Variants in WDR27 observed in about 807,000 individuals in gnomAD.
WDR27 encodes WD repeat-containing protein 27.
Under a neutral mutation model 114.4 loss-of-function variants are expected in WDR27, and 100 were observed. The observed-to-expected ratio is 0.87, with a 90% CI of 0.74 to 1.03. WDR27 has a LOEUF of 1.03. WDR27 is among the 50% of genes least tolerant of loss of function. The pLI is 0.00. For synonymous variants in WDR27, 449 were observed against 423.1 expected (o/e 1.06, Z -0.75); for missense variants, 1,129 against 1,092.9 (o/e 1.03, Z -0.47).
At chr6:169,444,842 C>A in the WDR27 span, among the ~76,000 whole-genome samples, 2 of 152,144 alleles carry the variant, frequency 1.3e-5, no homozygotes, top group Non-Finnish European at 2.9e-5. Flanking sequence ...GTTCTTATGT[C>A]AAGTAGCCCA....
rs1220748162 is a variant in WDR27, at chr6:169,580,933, T to TTATATATATATATA, written c.2523+1889_2523+1902dup. On this transcript the variant is annotated intron_variant, in intron 24 of 25. Coordinates refer to ENST00000448612, the MANE Select transcript of WDR27 (RefSeq NM_182552.5). Reference sequence around the variant, plus strand: ...TTAAAAATAAGGAACTTAGTGAATTTTATATATATATATATATATACATAT... The same window carrying TTATATATATATATA: ...TTAAAAATAAGGAACTTAGTGAATTTTATATATATATATATATATATATATATATATATACATAT... Among the ~76,000 whole-genome samples, 426 of 53,422 alleles carry TTATATATATATATA rather than the reference T, an allele frequency of 8.0e-3. 1 individual carries two copies. The highest frequency in any genetic ancestry group is 0.024 in the East Asian group (23 of 948). 35.0% of individuals were successfully genotyped at this position (53,422 alleles called of 152,430 possible).
rs376864984 is a variant in WDR27, at chr6:169,522,842, T to C, written c.2645+49577A>G. Among the ~76,000 whole-genome samples the C allele has an allele frequency of 1.3e-4, 20 of 151,978 alleles. No homozygotes were observed. The South Asian group carries it at 2.5e-3, about 19-fold the overall frequency. ...AGAGGGAAGTTTATAGGAATAAACTTTCTTCATAATTCAAAAAAGTAGAAA... is the reference window on the plus strand; with the variant it reads ...AGAGGGAAGTTTATAGGAATAAACTCTCTTCATAATTCAAAAAAGTAGAAA... On this transcript the variant is annotated intron_variant, in intron 25 of 25. Transcript: ENST00000448612.
At chr6:169,538,230 T>A (rs940359753) in intron 25 of WDR27, among the ~76,000 whole-genome samples, 4 of 152,198 alleles carry the variant, frequency 2.6e-5, no homozygotes, top group Non-Finnish European at 4.4e-5. Context: ...ACCTTGTGTG[T>A]AGTTTAGTCA....
At chr6:169,626,176 C>T (rs746547484) in intron 21 of WDR27, among the ~76,000 whole-genome samples, 1 of 152,268 alleles carries the variant, frequency 6.6e-6, no homozygotes, top group Admixed American at 6.5e-5. Flanking sequence ...GAGACAAGCC[C>T]GCGGGGACAG....
chr6:169,642,489 T>G (rs1819474138), intron 17 of WDR27, among the ~76,000 whole-genome samples: 1 of 152,124 alleles, frequency 6.6e-6, no homozygotes, highest in Admixed American at 6.6e-5. Context: ...GGCTCCCAGG[T>G]GCACTGTGAA....
At position 169,659,257 on chromosome 6, in the gene WDR27, A is replaced by C. The variant is rs1459001498; in HGVS notation, c.1198-50T>G. On this transcript the variant is annotated intron_variant, in intron 11 of 25. Transcript: ENST00000448612. This position sits in a 1 kb window ranked among gnomAD's most constrained non-coding sequence, Gnocchi z 4.3. ...GTTAGCGACACCACCCAGTAAAAGC[A>C]GACGAAACGTGCATCCGCACACGTA... is the stretch of plus-strand genomic sequence containing the variant. 1 of 1,560,532 alleles carries C rather than the reference A, an allele frequency of 6.4e-7. No individual in the cohort carries two copies. The highest frequency in any genetic ancestry group is 1.4e-5 in the African/African-American group (1 of 73,216).
intron 18 of WDR27, among the ~76,000 whole-genome samples, chr6:169,636,707 G>A (rs578168649): frequency 2.6e-5 from 4 of 152,192 alleles, no homozygotes; most frequent in African/African-American, 7.2e-5. Context: ...TTACTGTAAT[G>A]AATGCTTTGA....
chr6:169,561,654 C>A (rs549509707), intron 25 of WDR27, among the ~76,000 whole-genome samples: 1 of 150,292 alleles, frequency 6.7e-6, no homozygotes, highest in Non-Finnish European at 1.5e-5. Context: ...AATAAAAAAA[C>A]AAAGATCAGA....
intron 2 of WDR27, among the ~76,000 whole-genome samples, chr6:169,673,696 A>T (rs1779352537): frequency 6.6e-6 from 1 of 152,128 alleles, no homozygotes; most frequent in Non-Finnish European, 1.5e-5. Flanking sequence ...GGTGTAATTA[A>T]ATGAGTCATC....
At chr6:169,451,337 T>A in the WDR27 span, among the ~76,000 whole-genome samples, 1 of 152,218 alleles carries the variant, frequency 6.6e-6, no homozygotes, top group African/African-American at 2.4e-5. Flanking sequence ...ACATCATACA[T>A]ATAATGATTG....
chr6:169,665,703 C>A (rs1315399110), intron 6 of WDR27, 147 bp from the exon 7 acceptor site: 2 of 808,072 alleles, frequency 2.5e-6, no homozygotes, highest in East Asian at 5.7e-5. Flanking sequence ...AAAATAATTT[C>A]TTCACCAAAA....
At chr6:169,470,643 G>C (rs1234734357) in intron 25 of WDR27, among the ~76,000 whole-genome samples, 1 of 152,200 alleles carries the variant, frequency 6.6e-6, no homozygotes, top group East Asian at 1.9e-4. Flanking sequence ...GGAAGAGAGG[G>C]AGACAGACAG....
chr6:169,649,367 CAT>C (rs970494905), intron 14 of WDR27, 92 bp from the exon 15 acceptor site: 1 of 1,104,612 alleles, frequency 9.1e-7, no homozygotes. Flanking sequence ...AAATTATATA[CAT>C]AGATATAGAC....
intron 20 of WDR27, among the ~76,000 whole-genome samples, chr6:169,633,910 C>T (rs902195068): frequency 3.3e-5 from 5 of 152,264 alleles, no homozygotes; most frequent in East Asian, 1.9e-4. Flanking sequence ...TAGAGTTCAA[C>T]GTAGATTGAA....
intron 2 of WDR27, among the ~76,000 whole-genome samples, chr6:169,682,809 A>C (rs1781876447): frequency 1.3e-5 from 2 of 152,232 alleles, no homozygotes; most frequent in Admixed American, 6.5e-5. Context: ...GTTTTAAGGA[A>C]TCTCAAGAAA....
chr6:169,452,430 G>T (rs1264893716), downstream of WDR27, among the ~76,000 whole-genome samples: 1 of 152,254 alleles, frequency 6.6e-6, no homozygotes, highest in Non-Finnish European at 1.5e-5. Flanking sequence ...GTGTTTCTGT[G>T]AGGATCACCC....
At chr6:169,641,406 G>A (rs1819129907) in intron 17 of WDR27, among the ~76,000 whole-genome samples, 2 of 152,288 alleles carry the variant, frequency 1.3e-5, no homozygotes, top group South Asian at 4.1e-4. Flanking sequence ...ATCTCCTCAC[G>A]GTACGGAAGG....
At chr6:169,675,248 G>GTA (rs1779793396) in intron 2 of WDR27, among the ~76,000 whole-genome samples, 1 of 152,070 alleles carries the variant, frequency 6.6e-6, no homozygotes, top group Admixed American at 6.5e-5. Flanking sequence ...CCTCACCATG[G>GTA]TGAGTTCTCA....
chr6:169,497,704 T>G (rs78529485), intron 25 of WDR27, among the ~76,000 whole-genome samples: 2,729 of 152,140 alleles, frequency 0.018, 82 homozygotes, highest in African/African-American at 0.062. Context: ...ACAATGAGAT[T>G]GTACCTCACA....
Sources: gnomAD v4.1 joint callset for allele counts (sites outside exome capture counted in the v4.1 genomes callset) on GRCh38, gnomAD v4.1.1 for gene constraint, Gnocchi (gnomAD v3.1) non-coding constraint, MANE v1.5 for transcripts, NCBI Gene and HGNC (gene_info 2026-07-23, HGNC 2026-07-21) for gene names.